The following RARB variants were observed in gnomAD, a reference collection of about 807,000 sequenced individuals.
RARB encodes retinoic acid receptor beta.
RARB carries 17 observed loss-of-function variants against 51.9 expected under a neutral mutation model. The observed-to-expected ratio is 0.33, with a 90% confidence interval of 0.22 to 0.49. The LOEUF (loss-of-function observed/expected upper bound fraction) is 0.49, where lower values mean the gene tolerates loss of function less well. Ranked by LOEUF, RARB falls within the 20% of genes least tolerant of loss-of-function variation. RARB has a pLI of 0.99. For synonymous variants in RARB, 215 were observed against 195.4 expected (o/e 1.10, Z -0.84); for missense variants, 369 against 550.8 (o/e 0.67, Z 3.30).
intron 1 of RARB, among the ~76,000 whole-genome samples, chr3:24,844,075 C>G (rs1702455103): frequency 6.6e-6 from 1 of 152,168 alleles, no homozygotes; most frequent in Admixed American, 6.5e-5. Context: ...AACAGTCAGA[C>G]AAGCAGACTC....
At chr3:25,015,449 G>A (rs546319165) in intron 2 of RARB, among the ~76,000 whole-genome samples, 1 of 152,118 alleles carries the variant, frequency 6.6e-6, no homozygotes, top group Non-Finnish European at 1.5e-5. Context: ...GAATCCTGTT[G>A]TCTTCAGAGT....
intron 2 of RARB, among the ~76,000 whole-genome samples, chr3:24,957,354 A>G (rs1244706221): frequency 6.6e-6 from 1 of 152,210 alleles, no homozygotes; most frequent in Non-Finnish European, 1.5e-5. Context: ...AGTTTTAACA[A>G]AAATCATTAT....
At chr3:25,470,463 T>A (rs547229692) in intron 2 of RARB, among the ~76,000 whole-genome samples, 1 of 152,196 alleles carries the variant, frequency 6.6e-6, no homozygotes, top group Non-Finnish European at 1.5e-5. Flanking sequence ...CATGGAAGGC[T>A]TTTATAGAAG....
chr3:25,231,659 T>G (rs1446983972), intron 5 of RARB, among the ~76,000 whole-genome samples: 1 of 152,158 alleles, frequency 6.6e-6, no homozygotes, highest in Non-Finnish European at 1.5e-5. Context: ...TGGTTTAAAT[T>G]TGCATTTCCT....
chr3:25,156,544 A>G (rs1159876480), intron 4 of RARB, among the ~76,000 whole-genome samples: 2 of 144,996 alleles, frequency 1.4e-5, no homozygotes, highest in South Asian at 2.2e-4. Context: ...AAAAAAAAAA[A>G]AAAGGCAGTT....
intron 2 of RARB, among the ~76,000 whole-genome samples, chr3:24,868,862 C>T (rs777417828): frequency 6.6e-6 from 1 of 152,088 alleles, no homozygotes; most frequent in Non-Finnish European, 1.5e-5. Flanking sequence ...TCCAGATGGC[C>T]TGCCTTTCTG....
chr3:25,377,689 T>C (rs997675642), intron 5 of RARB, among the ~76,000 whole-genome samples: 1 of 152,138 alleles, frequency 6.6e-6, no homozygotes, highest in African/African-American at 2.4e-5. Context: ...AATTTCCAAA[T>C]TGGGTCATGT....
intron 5 of RARB, among the ~76,000 whole-genome samples, chr3:25,588,408 C>A (rs1034583268): frequency 1.3e-5 from 2 of 152,302 alleles, no homozygotes; most frequent in Non-Finnish European, 2.9e-5. Flanking sequence ...ATATTCATAT[C>A]TTGATCTAGG....
chr3:25,485,722 A>T (rs905632145), intron 2 of RARB, among the ~76,000 whole-genome samples: 1 of 152,048 alleles, frequency 6.6e-6, no homozygotes, highest in Non-Finnish European at 1.5e-5. Flanking sequence ...ATTTCCATTT[A>T]TTTTTTCCCT....
chr3:25,580,338 C>T (rs979712308), intron 4 of RARB, among the ~76,000 whole-genome samples: 9 of 152,234 alleles, frequency 5.9e-5, no homozygotes, highest in Non-Finnish European at 1.0e-4. Flanking sequence ...CGTGCTACTG[C>T]ACTCCAGCCT....
intron 2 of RARB, among the ~76,000 whole-genome samples, chr3:24,892,751 G>A (rs1703410179): frequency 6.6e-6 from 1 of 152,212 alleles, no homozygotes; most frequent in Admixed American, 6.5e-5. Flanking sequence ...GTTCCAGCAT[G>A]TATGTATGTG....
At chr3:25,259,998 C>T in intron 5 of RARB, 3 of 985,270 alleles carry the variant, frequency 3.0e-6, no homozygotes, top group South Asian at 9.4e-5. Flanking sequence ...TTACTCTCCT[C>T]AGTTTGTTTT....
intron 2 of RARB, among the ~76,000 whole-genome samples, chr3:24,880,396 T>G (rs1703136659): frequency 2.6e-5 from 4 of 152,106 alleles, no homozygotes; most frequent in South Asian, 2.1e-4. Context: ...CTTGGAGAGA[T>G]AAAAGAAGAT....
intron 2 of RARB, among the ~76,000 whole-genome samples, chr3:24,956,905 G>A (rs1575090644): frequency 6.6e-6 from 1 of 152,172 alleles, no homozygotes; most frequent in Non-Finnish European, 1.5e-5. Flanking sequence ...AGAGAAGGAG[G>A]AATTCATACA....
In RARB at chr3:25,594,792, C is replaced by T. The variant is rs1362984766; in HGVS notation, c.1150+114C>T. On this transcript the variant is annotated intron_variant, in intron 7 of 7. Coordinates refer to ENST00000330688, the MANE Select transcript of RARB (RefSeq NM_000965.5). ...AATGGCTGCTTTTAAAGTCTTGGAA[C>T]TCATTTCTCATTGAAATCAAAAGGA... 4.3e-6 allele frequency: 4 copies of T among 920,264 alleles called. No homozygotes were observed. The East Asian group carries it at 9.4e-5, about 22-fold the overall frequency. 57.0% of individuals were successfully genotyped at this position (920,264 alleles called of 1,614,324 possible).
At chr3:25,160,183 C>G (rs1700450789) in intron 4 of RARB, among the ~76,000 whole-genome samples, 1 of 152,182 alleles carries the variant, frequency 6.6e-6, no homozygotes, top group South Asian at 2.1e-4. Context: ...TCTCTAGGCT[C>G]TGGTAATTTT....
chr3:25,200,989 G>C (rs1043290974), intron 5 of RARB, among the ~76,000 whole-genome samples: 2 of 152,180 alleles, frequency 1.3e-5, no homozygotes, highest in Admixed American at 1.3e-4. Context: ...AAAGTCATTG[G>C]TAGATTGATG....
intron 5 of RARB, among the ~76,000 whole-genome samples, chr3:25,196,479 A>T (rs1373383076): frequency 1.3e-5 from 2 of 152,138 alleles, no homozygotes; most frequent in East Asian, 3.9e-4. Flanking sequence ...ATTGATGGAC[A>T]TTTGGGTTGG....
chr3:25,544,760 A>G (rs1157199133), intron 3 of RARB, among the ~76,000 whole-genome samples: 7 of 152,194 alleles, frequency 4.6e-5, no homozygotes, highest in Non-Finnish European at 7.3e-5. Context: ...AGCACTTTCA[A>G]CGGACTTTCT....
Sources: allele counts gnomAD v4.1 joint callset (sites outside exome capture counted in the v4.1 genomes callset), GRCh38; gene constraint gnomAD v4.1.1; transcripts MANE v1.5; gene names NCBI Gene and HGNC (gene_info 2026-07-23, HGNC 2026-07-21).